PDE7A: variants seen among roughly 807,000 people sequenced by gnomAD.
PDE7A encodes phosphodiesterase 7A.
PDE7A carries 39 observed loss-of-function variants against 64.3 expected under a neutral mutation model. The observed-to-expected ratio is 0.61, with a 90% CI of 0.47 to 0.79. PDE7A has a LOEUF of 0.79. Among genes scored for constraint, PDE7A ranks in the 30% least tolerant of loss-of-function variants. The pLI, the probability that PDE7A is intolerant of heterozygous loss-of-function variation, is 0.00. For missense variants in PDE7A, 470 were observed against 582.8 expected (o/e 0.81, Z 1.99); for synonymous variants, 203 against 206.8 (o/e 0.98, Z 0.16).
Position 65,804,455 on chromosome 8 carries a change from G to A in PDE7A, c.139-21612C>T, listed in dbSNP as rs773188447. Among the ~76,000 whole-genome samples, 47 of 150,936 alleles carry A rather than the reference G, an allele frequency of 3.1e-4. 1 individual carries two copies. The highest frequency in any genetic ancestry group is 6.3e-4 in the Non-Finnish European group (43 of 67,844). On this transcript the variant is annotated intron_variant, in intron 1 of 12. Transcript: ENST00000401827. ...GAAATTCAGTCATATTTGGACACCA[G>A]AATTGCTTATTTCAAGATTTACTGG...
intron 3 of PDE7A, among the ~76,000 whole-genome samples, chr8:65,761,957 A>AAG (rs1427912750): frequency 6.6e-6 from 1 of 152,156 alleles, no homozygotes; most frequent in African/African-American, 2.4e-5. Context: ...GATGTCACAA[A>AAG]AGAGGCCTTT....
At chr8:65,816,276 A>G (rs1165611391) in intron 1 of PDE7A, among the ~76,000 whole-genome samples, 1 of 152,238 alleles carries the variant, frequency 6.6e-6, no homozygotes, top group African/African-American at 2.4e-5. Flanking sequence ...TATGAATCAA[A>G]AGGCAAAGAG....
intron 3 of PDE7A, among the ~76,000 whole-genome samples, chr8:65,754,363 C>T (rs1266763208): frequency 2.6e-5 from 4 of 152,034 alleles, no homozygotes; most frequent in Admixed American, 1.3e-4. Context: ...ATCCTTCAAT[C>T]CAATCAAGTT....
At chr8:65,738,152 T>TA (rs58556144) in intron 6 of PDE7A, among the ~76,000 whole-genome samples, 3 of 151,246 alleles carry the variant, frequency 2.0e-5, no homozygotes, top group Admixed American at 1.3e-4. Flanking sequence ...ATTATGTCTT[T>TA]AAAAAAAAAC....
At chr8:65,727,350 C>T (rs779408067) in intron 7 of PDE7A, 49 bp from the exon 8 acceptor site, 16 of 1,605,696 alleles carry the variant, frequency 1.0e-5, no homozygotes, top group Non-Finnish European at 1.3e-5. Context: ...CTAAAATAAG[C>T]TCTACGCCAT....
At chr8:65,782,354 T>C (rs1056812522) in intron 2 of PDE7A, among the ~76,000 whole-genome samples, 2 of 152,198 alleles carry the variant, frequency 1.3e-5, no homozygotes, top group East Asian at 1.9e-4. Context: ...GCACCAGAAC[T>C]AGAAGAAGTC....
At chr8:65,788,822 TC>T in intron 1 of PDE7A, 1 of 1,161,556 alleles carries the variant, frequency 8.6e-7, no homozygotes, top group Non-Finnish European at 1.3e-6. Context: ...GCTATTTAAT[TC>T]CTATCAAATA....
At chr8:65,823,759 CAA>C (rs1810599080) in intron 1 of PDE7A, among the ~76,000 whole-genome samples, 1 of 151,924 alleles carries the variant, frequency 6.6e-6, no homozygotes, top group South Asian at 2.1e-4. Flanking sequence ...ATATTGAAGA[CAA>C]AAAGTTTACA....
chr8:65,727,323 A>G, intron 7 of PDE7A, 22 bp from the exon 8 acceptor site: 1 of 1,612,318 alleles, frequency 6.2e-7, no homozygotes, highest in South Asian at 1.1e-5. Context: ...CAAAAGAATA[A>G]TGAATCACAG....
chr8:65,754,191 T>C (rs533161128), intron 3 of PDE7A, among the ~76,000 whole-genome samples: 24 of 152,226 alleles, frequency 1.6e-4, no homozygotes, highest in African/African-American at 5.5e-4. Flanking sequence ...AGTCTTTCCA[T>C]GTTTTTCTGC....
At chr8:65,764,986 G>C (rs1454505322) in intron 3 of PDE7A, among the ~76,000 whole-genome samples, 1 of 152,150 alleles carries the variant, frequency 6.6e-6, no homozygotes. Flanking sequence ...CTAACTGTAG[G>C]AGATACACAG....
chr8:65,719,562 T>C, intron 12 of PDE7A, 67 bp from the exon 13 acceptor site: 1 of 1,040,344 alleles, frequency 9.6e-7, no homozygotes, highest in Non-Finnish European at 1.5e-6. Context: ...ACATCATCTA[T>C]ACAACATTAA....
intron 1 of PDE7A, among the ~76,000 whole-genome samples, chr8:65,824,094 T>C (rs1810608387): frequency 6.6e-6 from 1 of 152,228 alleles, no homozygotes; most frequent in South Asian, 2.1e-4. Flanking sequence ...TGAAGGTCTG[T>C]GGCAACTGCA....
chr8:65,837,244 G>A (rs1295210894), intron 1 of PDE7A, among the ~76,000 whole-genome samples: 2 of 152,208 alleles, frequency 1.3e-5, no homozygotes, highest in East Asian at 1.9e-4. Context: ...AATGACTGTA[G>A]TTGAAAAACG....
chr8:65,748,231 G>A (rs550066158), intron 3 of PDE7A, among the ~76,000 whole-genome samples: 1 of 152,120 alleles, frequency 6.6e-6, no homozygotes, highest in African/African-American at 2.4e-5. Context: ...TTACATATGA[G>A]ATTTTAACAA....
intron 3 of PDE7A, among the ~76,000 whole-genome samples, chr8:65,753,143 C>G (rs1808047758): frequency 6.6e-6 from 1 of 152,140 alleles, no homozygotes; most frequent in African/African-American, 2.4e-5. Context: ...ATTAAGTGCT[C>G]TCCAGTCATT....
At chr8:65,805,816 C>T (rs920033015) in intron 1 of PDE7A, among the ~76,000 whole-genome samples, 2 of 152,198 alleles carry the variant, frequency 1.3e-5, no homozygotes, top group African/African-American at 4.8e-5. Context: ...GCCTTCTCAG[C>T]TCTCTCAAAC....
intron 3 of PDE7A, among the ~76,000 whole-genome samples, chr8:65,761,514 T>C (rs890337450): frequency 2.6e-5 from 4 of 152,240 alleles, no homozygotes; most frequent in African/African-American, 4.8e-5. Context: ...TGTGCTAGTT[T>C]ACATGGTTAC....
chr8:65,799,288 T>A (rs983417108), intron 1 of PDE7A, among the ~76,000 whole-genome samples: 2 of 151,404 alleles, frequency 1.3e-5, no homozygotes, highest in African/African-American at 4.9e-5. Context: ...CCAGAGGAAA[T>A]TTAGCATAAT....
Sources: gnomAD v4.1 joint callset for allele counts (sites outside exome capture counted in the v4.1 genomes callset) on GRCh38, gnomAD v4.1.1 for gene constraint, MANE v1.5 for transcripts, NCBI Gene and HGNC (gene_info 2026-07-23, HGNC 2026-07-21) for gene names.